Variants in NRXN1 observed in about 807,000 individuals in gnomAD.
NRXN1 encodes neurexin-1.
Under a neutral mutation model 150.9 loss-of-function variants are expected in NRXN1, and 39 were observed. The ratio of observed to expected loss-of-function variants is 0.26; its 90% CI spans 0.20 to 0.34. NRXN1 has a LOEUF of 0.34. Among genes scored for constraint, NRXN1 ranks in the 10% least tolerant of loss-of-function variants. The probability of loss-of-function intolerance (pLI) is 1.00; values close to 1 mark genes in which losing one functional copy is unlikely to be tolerated. For synonymous variants in NRXN1, 924 were observed against 757.0 expected, an observed-to-expected ratio of 1.22 and a Z score of -3.62; for missense variants, 1,815 against 1,949.9, an observed-to-expected ratio of 0.93 and a Z score of 1.30.
At chr2:50,591,405 T>TAGAC (rs1350417324) in intron 8 of NRXN1, among the ~76,000 whole-genome samples, 8 of 135,250 alleles carry the variant, frequency 5.9e-5, no homozygotes, top group Non-Finnish European at 1.2e-4. Flanking sequence ...GATAGATAGA[T>TAGAC]AGATAGATAG....
chr2:50,305,492 GA>G (rs1024756519), intron 17 of NRXN1, among the ~76,000 whole-genome samples: 92 of 152,174 alleles, frequency 6.0e-4, no homozygotes, highest in African/African-American at 2.1e-3. Flanking sequence ...CCAGAAACAA[GA>G]AAAATTTTAT....
chr2:50,237,431 G>T (rs185520606), intron 17 of NRXN1, among the ~76,000 whole-genome samples: 30 of 152,092 alleles, frequency 2.0e-4, no homozygotes, highest in Non-Finnish European at 1.2e-4. Flanking sequence ...AATGTGCTAG[G>T]AATGTAACTT....
chr2:50,717,379 T>C (rs1277677626), intron 5 of NRXN1, among the ~76,000 whole-genome samples: 1 of 152,140 alleles, frequency 6.6e-6, no homozygotes, highest in African/African-American at 2.4e-5. Context: ...AACACAATTA[T>C]TAATGCAGAT....
At chr2:50,843,491 T>C (rs539271643) in intron 5 of NRXN1, among the ~76,000 whole-genome samples, 2 of 152,334 alleles carry the variant, frequency 1.3e-5, no homozygotes, top group African/African-American at 2.4e-5. Context: ...ATAAGGACTT[T>C]AGACTTTTCC....
At chr2:50,796,034 G>T (rs1230295172) in intron 5 of NRXN1, among the ~76,000 whole-genome samples, 3 of 152,032 alleles carry the variant, frequency 2.0e-5, no homozygotes, top group African/African-American at 7.2e-5. Context: ...GGGGAAACTG[G>T]CTCCAAATCA....
At chr2:50,619,407 C>T (rs1382996602) in intron 8 of NRXN1, 1 of 152,214 alleles carries the variant, frequency 6.6e-6, no homozygotes, top group East Asian at 1.9e-4. Flanking sequence ...TACAAAGTTA[C>T]AATACACAAC....
intron 19 of NRXN1, among the ~76,000 whole-genome samples, chr2:50,065,013 G>C (rs530878136): frequency 6.6e-6 from 1 of 152,272 alleles, no homozygotes; most frequent in Non-Finnish European, 1.5e-5. Context: ...CAGACAGCAG[G>C]ACTAGACCAG....
intron 17 of NRXN1, among the ~76,000 whole-genome samples, chr2:50,420,963 TGTG>T (rs2083941692): frequency 1.8e-3 from 3 of 1,628 alleles, no homozygotes; most frequent in Middle Eastern, 0.25. Context: ...AAAATAGACC[TGTG>T]TGTGTGTGTG....
At chr2:50,729,189 G>T (rs957579858) in intron 5 of NRXN1, among the ~76,000 whole-genome samples, 2 of 151,754 alleles carry the variant, frequency 1.3e-5, no homozygotes, top group African/African-American at 2.4e-5. Context: ...TCATTGAAAC[G>T]ATCTTTGTTT....
At chr2:50,033,696 C>T (rs79564456) in intron 21 of NRXN1, among the ~76,000 whole-genome samples, 2 of 151,926 alleles carry the variant, frequency 1.3e-5, no homozygotes, top group Admixed American at 6.6e-5. Flanking sequence ...AGACAACCTA[C>T]AGAATGAGAG....
At chr2:50,799,301 T>C (rs1707267481) in intron 5 of NRXN1, among the ~76,000 whole-genome samples, 1 of 152,174 alleles carries the variant, frequency 6.6e-6, no homozygotes, top group Non-Finnish European at 1.5e-5. Context: ...AAAGTAGTTT[T>C]TGAGATTTGA....
intron 19 of NRXN1, among the ~76,000 whole-genome samples, chr2:50,060,798 CCTT>C (rs1694409375): frequency 2.0e-5 from 3 of 152,276 alleles, no homozygotes; most frequent in African/African-American, 7.2e-5. Context: ...CTTTGCTCCT[CCTT>C]CGTCTTTCTG....
chr2:50,133,673 G>A lies in NRXN1; in HGVS notation c.3547-42179C>T, dbSNP rs182899900. ...AAGAAAAACTTCTATGCTTGGCCAG[G>A]TAAAGGCAAGCTTTCTCTAGGAAGT... On this transcript the variant is annotated intron_variant, in intron 18 of 22. Coordinates refer to ENST00000401669, the MANE Select transcript of NRXN1 (RefSeq NM_001330078.2). 9.1e-4 allele frequency among the ~76,000 whole-genome samples: 139 copies of A among 152,234 alleles called. 2 individuals carry two copies. The highest frequency in any genetic ancestry group is 5.9e-5 in the Non-Finnish European group (4 of 68,006).
intron 5 of NRXN1, among the ~76,000 whole-genome samples, chr2:50,641,180 A>G (rs556937995): frequency 5.3e-5 from 8 of 152,160 alleles, no homozygotes; most frequent in Non-Finnish European, 7.3e-5. Context: ...CTTAATAAAC[A>G]TTTGGCTCAA....
chr2:50,142,868 C>T (rs1009117360), intron 18 of NRXN1, among the ~76,000 whole-genome samples: 5 of 151,608 alleles, frequency 3.3e-5, no homozygotes, highest in Admixed American at 1.3e-4. Context: ...GAGAATAAAG[C>T]GAAACCCAGG....
In NRXN1 at chr2:50,921,869, C is replaced by A. The variant is rs1686088823; in HGVS notation, c.832G>T (p.Gly278Ter). The A allele has an allele frequency of 1.4e-6, 2 of 1,381,864 alleles. No individual in the cohort carries two copies. The highest frequency in any genetic ancestry group is 1.9e-6 in the Non-Finnish European group (2 of 1,029,348). 85.6% of individuals were successfully genotyped at this position (1,381,864 alleles called of 1,614,324 possible). A position where few individuals can be genotyped will look rare whatever the true frequency, so the allele number is the denominator to read the frequency against. ...AAGAAGAAATAAAATAATGTAATAC[C>A]TTTACTTTTACCTATGGATTTGATG... ...LMMGDQGKSKGKEEYIATFKG... is the reference protein window; with the variant it reads ...LMMGDQGKSK Residue 278 changes from glycine (G) to a stop codon, truncating the protein, a stop_gained and splice_region_variant, in exon 5 of 23, where the codon GGA becomes TGA. Transcript: ENST00000401669. LOFTEE classifies it high-confidence loss of function.
intron 5 of NRXN1, among the ~76,000 whole-genome samples, chr2:50,811,439 T>C (rs1324227469): frequency 6.6e-6 from 1 of 152,190 alleles, no homozygotes; most frequent in African/African-American, 2.4e-5. Flanking sequence ...AGATACACAC[T>C]TCTCTTTACC....
intron 17 of NRXN1, among the ~76,000 whole-genome samples, chr2:50,309,415 G>A (rs574826230): frequency 1.3e-5 from 2 of 152,260 alleles, no homozygotes; most frequent in South Asian, 2.1e-4. Context: ...TGGGATATGA[G>A]AGTTTTGACA....
chr2:50,321,451 T>C (rs1162828804), intron 17 of NRXN1, among the ~76,000 whole-genome samples: 1 of 152,142 alleles, frequency 6.6e-6, no homozygotes, highest in East Asian at 1.9e-4. Context: ...ATTCACCTTT[T>C]CCATCCTATG....
Sources: allele counts gnomAD v4.1 joint callset (sites outside exome capture counted in the v4.1 genomes callset), GRCh38; gene constraint gnomAD v4.1.1; transcripts MANE v1.5; gene names NCBI Gene and HGNC (gene_info 2026-07-23, HGNC 2026-07-21).